CSMD1: variants seen among roughly 807,000 people sequenced by gnomAD.
CSMD1 encodes CUB and sushi domain-containing protein 1.
A neutral mutation model predicts 417.5 loss-of-function variants in CSMD1; 213 were observed. That is an observed-to-expected ratio of 0.51 (90% confidence interval 0.46 to 0.57). The LOEUF is 0.57. CSMD1 is among the 20% of genes least tolerant of loss of function. The pLI is 0.00. For missense variants in CSMD1, 6,923 were observed against 4,529.7 expected, an observed-to-expected ratio of 1.53 and a Z score of -15.17; for synonymous variants, 2,862 against 1,736.8, an observed-to-expected ratio of 1.65 and a Z score of -16.11.
chr8:3,247,683 C>T (rs1799975756), intron 26 of CSMD1, among the ~76,000 whole-genome samples: 1 of 152,162 alleles, frequency 6.6e-6, no homozygotes, highest in Admixed American at 6.5e-5. Flanking sequence ...AGAACTGTGG[C>T]AAACAGTTAA....
At chr8:4,271,038 G>T (rs950729087) in intron 3 of CSMD1, among the ~76,000 whole-genome samples, 2 of 152,202 alleles carry the variant, frequency 1.3e-5, no homozygotes, top group Non-Finnish European at 2.9e-5. Context: ...GAGAGTTAAA[G>T]AAAGATTTCC....
In CSMD1 at chr8:4,964,242, G is replaced by C. The variant is rs1042645912; in HGVS notation, c.85+30090C>G. Reference sequence around the variant, plus strand: ...GAATGAGTAGCAGGCAGCCAGGTATGGTGGCTAACACCTGTAATCCCAGCA... The same window carrying C: ...GAATGAGTAGCAGGCAGCCAGGTATCGTGGCTAACACCTGTAATCCCAGCA... On this transcript the variant is annotated intron_variant, in intron 1 of 69. Coordinates refer to ENST00000635120, the MANE Select transcript of CSMD1 (RefSeq NM_033225.6). Among the ~76,000 whole-genome samples, 22 of 152,000 alleles carry C rather than the reference G, an allele frequency of 1.4e-4. 1 individual carries two copies. Among genetic ancestry groups the C allele is most frequent in the Admixed American group, 1.4e-3 (22 of 15,242 alleles).
intron 1 of CSMD1, among the ~76,000 whole-genome samples, chr8:4,991,122 G>C (rs117823010): frequency 5.2e-3 from 788 of 152,264 alleles, no homozygotes; most frequent in African/African-American, 0.018. Flanking sequence ...AGAAACAACT[G>C]AGAAGGAAAC....
intron 7 of CSMD1, among the ~76,000 whole-genome samples, chr8:3,668,239 G>T (rs1020965936): frequency 1.3e-5 from 2 of 152,130 alleles, no homozygotes; most frequent in Admixed American, 6.5e-5. Context: ...ACCACTGCTG[G>T]ATCTCATTCT....
At chr8:4,238,574 A>G (rs1167588526) in intron 3 of CSMD1, among the ~76,000 whole-genome samples, 3 of 152,216 alleles carry the variant, frequency 2.0e-5, no homozygotes, top group Non-Finnish European at 4.4e-5. Flanking sequence ...CAATGTGTCC[A>G]TATTACTTAA....
At chr8:4,812,918 G>A (rs368116626) in intron 1 of CSMD1, among the ~76,000 whole-genome samples, 2 of 152,076 alleles carry the variant, frequency 1.3e-5, no homozygotes, top group South Asian at 4.2e-4. Flanking sequence ...TCAGTTTATA[G>A]CAACACTAAA....
At position 4,265,691 on chromosome 8, in the gene CSMD1, T is replaced by C. The variant is rs192021381; in HGVS notation, c.415+154262A>G. On this transcript the variant is annotated intron_variant, in intron 3 of 69. Transcript: ENST00000635120. ...ATAAATGATCTGGCTCTGAACAGTA[T>C]TATTTGACATGTTACGATTAGGAAA... Among the ~76,000 whole-genome samples the C allele has an allele frequency of 1.1e-3, 111 of 105,036 alleles. 24 individuals are homozygous for C. The highest frequency in any genetic ancestry group is 6.1e-3 in the Admixed American group (67 of 11,072). 68.9% of individuals were successfully genotyped at this position (105,036 alleles called of 152,430 possible).
chr8:3,998,455 T>A (rs138281998), intron 4 of CSMD1, among the ~76,000 whole-genome samples: 70 of 152,346 alleles, frequency 4.6e-4, no homozygotes, highest in Middle Eastern at 3.4e-3. Flanking sequence ...TGACACTATG[T>A]AAGCAACATT....
chr8:4,312,272 A>G (rs1479567376), intron 3 of CSMD1, among the ~76,000 whole-genome samples: 1 of 151,720 alleles, frequency 6.6e-6, no homozygotes, highest in Non-Finnish European at 1.5e-5. Flanking sequence ...GGCAAACTTT[A>G]GCATTGATGT....
At chr8:3,634,855 C>T (rs914493274) in intron 7 of CSMD1, among the ~76,000 whole-genome samples, 4 of 152,148 alleles carry the variant, frequency 2.6e-5, no homozygotes, top group African/African-American at 7.2e-5. Context: ...ACACAGTGCA[C>T]TGTGCACTTG....
intron 1 of CSMD1, among the ~76,000 whole-genome samples, chr8:4,709,787 G>A (rs1283931789): frequency 6.6e-6 from 1 of 152,190 alleles, no homozygotes; most frequent in African/African-American, 2.4e-5. Flanking sequence ...AGAAGTCACA[G>A]GGGAAAGAGG....
intron 1 of CSMD1, among the ~76,000 whole-genome samples, chr8:4,755,469 T>C (rs1344853500): frequency 6.6e-6 from 1 of 152,232 alleles, no homozygotes; most frequent in Non-Finnish European, 1.5e-5. Context: ...TTACTGTTTC[T>C]ATGATTGACA....
chr8:4,875,371 T>G (rs1585247559), intron 1 of CSMD1, among the ~76,000 whole-genome samples: 1 of 152,236 alleles, frequency 6.6e-6, no homozygotes, highest in East Asian at 1.9e-4. Context: ...GTGACTTGTT[T>G]TCTTCTATCA....
chr8:4,462,326 A>C (rs888356309), intron 2 of CSMD1, among the ~76,000 whole-genome samples: 1 of 152,216 alleles, frequency 6.6e-6, no homozygotes, highest in African/African-American at 2.4e-5. Context: ...CAAAAACTAT[A>C]AGTGTTTAAA....
At chr8:4,049,255 T>A (rs958285236) in intron 3 of CSMD1, among the ~76,000 whole-genome samples, 4 of 152,046 alleles carry the variant, frequency 2.6e-5, no homozygotes, top group Non-Finnish European at 5.9e-5. Context: ...CACTGGCATT[T>A]TGTATGAAAT....
rs372780899 is a variant in CSMD1, at chr8:3,396,225, G to C, written c.2562C>G (p.Arg854=). Residue 854 remains arginine (R), a synonymous_variant, in exon 17 of 70, where the codon CGC becomes CGG. Transcript: ENST00000635120. The stretch of plus-strand genomic sequence containing the variant: ...AGTGGATGAGGAAGCCGATGCTGGA[G>C]CGGCTGTTGTCAGTGGTGAACAGCA... ...MYLLFTTDNS[R]SSIGFLIHYE... 1.9e-6 allele frequency: 3 copies of C among 1,568,638 alleles called. No homozygotes were observed. The highest frequency in any genetic ancestry group is 1.4e-5 in the African/African-American group (1 of 73,926).
chr8:3,979,444 G>T lies in CSMD1; in HGVS notation c.818+18459C>A, dbSNP rs116328739. On this transcript the variant is annotated intron_variant, in intron 5 of 69. Transcript: ENST00000635120. ...TGCAGGAGAAGGCGTTGATAAATGT[G>T]CATGCAACTCACAGGATACAGTGTG... 3.3e-5 allele frequency among the ~76,000 whole-genome samples: 5 copies of T among 152,254 alleles called. No homozygotes were observed. The East Asian group carries it at 7.7e-4, about 24-fold the overall frequency.
rs1343405899 is a variant in CSMD1, at chr8:4,787,553, T to C, written c.86-149995A>G. ...TATTAAAACTGCCTTCACCAGAAAA[T>C]GTGGGGAGACAGCTTTCATTGCACC... On this transcript the variant is annotated intron_variant, in intron 1 of 69. Coordinates refer to ENST00000635120, the MANE Select transcript of CSMD1 (RefSeq NM_033225.6). The C allele has an allele frequency of 4.9e-6, 7 of 1,433,758 alleles. No individual in the cohort carries two copies. The East Asian group carries it at 1.4e-4, about 28-fold the overall frequency. The allele number at this position is 1,433,758 out of a possible 1,614,324, so 88.8% of individuals were successfully genotyped here. A position where few individuals can be genotyped will look rare whatever the true frequency, so the allele number is the denominator to read the frequency against.
At chr8:3,952,508 TAAAC>T (rs1811659381) in intron 5 of CSMD1, among the ~76,000 whole-genome samples, 1 of 152,210 alleles carries the variant, frequency 6.6e-6, no homozygotes, top group South Asian at 2.1e-4. Flanking sequence ...ACAAGCCACA[TAAAC>T]AAAACCTCCT....
Sources: gnomAD v4.1 joint callset for allele counts (sites outside exome capture counted in the v4.1 genomes callset) on GRCh38, gnomAD v4.1.1 for gene constraint, MANE v1.5 for transcripts, NCBI Gene and HGNC (gene_info 2026-07-23, HGNC 2026-07-21) for gene names.